NUDCD3: variants seen among roughly 807,000 people sequenced by gnomAD.
NUDCD3 encodes NudC domain containing 3, also known as nudC domain-containing protein 3.
In NUDCD3, 13 loss-of-function variants were observed where a neutral mutation model predicts 39.7. The observed-to-expected ratio is 0.33, with a 90% CI of 0.21 to 0.52. The LOEUF is 0.52. Ranked by LOEUF, NUDCD3 falls within the 20% of genes least tolerant of loss-of-function variation. The pLI is 0.96. For synonymous variants in NUDCD3, 175 were observed against 172.4 expected (o/e 1.02, Z -0.12); for missense variants, 453 against 458.1 (o/e 0.99, Z 0.10).
intron 3 of NUDCD3, among the ~76,000 whole-genome samples, chr7:44,420,942 T>G (rs1799125309): frequency 1.3e-5 from 2 of 152,198 alleles, no homozygotes; most frequent in South Asian, 2.1e-4. Context: ...CTGCATCAAC[T>G]AATGTGCAAA....
At chr7:44,441,678 C>T (rs543533541) in intron 2 of NUDCD3, among the ~76,000 whole-genome samples, 15 of 152,286 alleles carry the variant, frequency 9.8e-5, no homozygotes, top group Admixed American at 4.6e-4. Flanking sequence ...AGAGCCGGCC[C>T]CACCTGCCAC....
Position 44,404,461 on chromosome 7 carries a change from G to C in NUDCD3, c.765C>G (p.Leu255=), listed in dbSNP as rs541410724. ...KINTESSLWS[L]EPGKCVLVNL... ...TTACCAAAACGCACTTCCCGGGCTC[G>C]AGACTCCAGAGAGAACTCTCAGTGT... Residue 255 remains leucine (L), a synonymous_variant, in exon 4 of 6, where the codon CTC becomes CTG. Coordinates refer to ENST00000355451, the MANE Select transcript of NUDCD3 (RefSeq NM_015332.4). 2.5e-6 allele frequency: 4 copies of C among 1,614,088 alleles called. No individual in the cohort carries two copies. Among genetic ancestry groups the C allele is most frequent in the South Asian group, 1.1e-5 (1 of 91,074 alleles).
At chr7:44,407,495 G>A (rs549033546) in intron 3 of NUDCD3, among the ~76,000 whole-genome samples, 1 of 150,286 alleles carries the variant, frequency 6.7e-6, no homozygotes, top group South Asian at 2.1e-4. Context: ...AACCTGGGAG[G>A]CAGAGGTTGC....
intron 2 of NUDCD3, among the ~76,000 whole-genome samples, chr7:44,484,073 G>C (rs1800551579): frequency 6.6e-6 from 1 of 152,202 alleles, no homozygotes; most frequent in Non-Finnish European, 1.5e-5. Context: ...GAGTAAAGGA[G>C]TGAGAAAAAC....
chr7:44,460,412 C>T (rs934074904), intron 2 of NUDCD3, among the ~76,000 whole-genome samples: 25 of 152,072 alleles, frequency 1.6e-4, no homozygotes, highest in Non-Finnish European at 1.8e-4. Context: ...TACGGCCTGC[C>T]CTAGGAAGGA....
chr7:44,415,433 T>C (rs1476917837), intron 3 of NUDCD3, among the ~76,000 whole-genome samples: 1 of 152,240 alleles, frequency 6.6e-6, no homozygotes. Flanking sequence ...TTTACTAATG[T>C]ATGAAATTAA....
At chr7:44,392,186 G>C in intron 5 of NUDCD3, 111 bp downstream of exon 5, 1 of 1,040,584 alleles carries the variant, frequency 9.6e-7, no homozygotes, top group Non-Finnish European at 1.4e-6. Context: ...CAGGAAGCTG[G>C]TCCACACAAC....
At chr7:44,468,913 A>G (rs1800191979) in intron 2 of NUDCD3, among the ~76,000 whole-genome samples, 1 of 152,110 alleles carries the variant, frequency 6.6e-6, no homozygotes, top group African/African-American at 2.4e-5. Flanking sequence ...CTATCCATGA[A>G]TACACACTGA....
At chr7:44,434,087 T>C (rs1285247259) in intron 2 of NUDCD3, among the ~76,000 whole-genome samples, 1 of 152,180 alleles carries the variant, frequency 6.6e-6, no homozygotes, top group Admixed American at 6.5e-5. Context: ...TGAGGCCCAC[T>C]GCCCTGCTTC....
chr7:44,392,577 C>G (rs912333838), intron 4 of NUDCD3, 92 bp from the exon 5 acceptor site: 3 of 1,138,342 alleles, frequency 2.6e-6, no homozygotes, highest in Non-Finnish European at 3.8e-6. Context: ...GGATGGGTGT[C>G]CAGGATAAGC....
intron 2 of NUDCD3, among the ~76,000 whole-genome samples, chr7:44,460,668 A>T (rs1461347202): frequency 6.6e-6 from 1 of 152,204 alleles, no homozygotes; most frequent in African/African-American, 2.4e-5. Context: ...CCCCTCAAAA[A>T]AATAAACAGC....
At chr7:44,458,590 G>A (rs544185870) in intron 2 of NUDCD3, among the ~76,000 whole-genome samples, 11 of 151,912 alleles carry the variant, frequency 7.2e-5, no homozygotes, top group South Asian at 6.3e-4. Context: ...CCTGGGAGGC[G>A]GAGGTTGCAG....
chr7:44,485,198 C>A lies in NUDCD3; in HGVS notation c.279G>T (p.Glu93Asp). 1 of 1,614,198 alleles carries A rather than the reference C, an allele frequency of 6.2e-7. No homozygotes were observed. Among genetic ancestry groups the A allele is most frequent in the South Asian group, 1.1e-5 (1 of 91,086 alleles). Residue 93 changes from glutamate to aspartate, a missense_variant, in exon 2 of 6, where the codon GAG becomes GAT. Glu to Asp is a conservative substitution (Grantham distance 45, BLOSUM62 2). Coordinates refer to ENST00000355451, the MANE Select transcript of NUDCD3 (RefSeq NM_015332.4). ...ELEEKIRRKEEEEAKTVSAAA... is the reference protein window; with the variant it reads ...ELEEKIRRKEDEEAKTVSAAA... ...CAGCTGACACAGTCTTGGCCTCTTC[C>A]TCTTCCTTTCTTCTGATTTTCTCTT...
At chr7:44,482,354 C>A (rs1800509773) in intron 2 of NUDCD3, among the ~76,000 whole-genome samples, 2 of 152,012 alleles carry the variant, frequency 1.3e-5, no homozygotes, top group Admixed American at 1.3e-4. Context: ...ACTCAGAAGC[C>A]CCAAAAAGGC....
At chr7:44,459,141 A>C (rs1395954546) in intron 2 of NUDCD3, among the ~76,000 whole-genome samples, 1 of 152,052 alleles carries the variant, frequency 6.6e-6, no homozygotes, top group African/African-American at 2.4e-5. Flanking sequence ...GAGTTTTAAA[A>C]ATTTATTCCT....
chr7:44,446,397 CT>C (rs1262119575), intron 2 of NUDCD3, among the ~76,000 whole-genome samples: 2 of 152,236 alleles, frequency 1.3e-5, no homozygotes, highest in African/African-American at 4.8e-5. Context: ...GCAAACAGTA[CT>C]TTTCCGTTCT....
chr7:44,468,554 G>T (rs1048127628), intron 2 of NUDCD3, among the ~76,000 whole-genome samples: 1 of 152,094 alleles, frequency 6.6e-6, no homozygotes, highest in Non-Finnish European at 1.5e-5. Flanking sequence ...AAAGATAAAT[G>T]TAACAGTTTC....
chr7:44,384,060 C>T lies in NUDCD3; in HGVS notation c.*1951G>A, dbSNP rs1026911737. 1 of 152,182 alleles carries T rather than the reference C, an allele frequency of 6.6e-6. No homozygotes were observed. Among genetic ancestry groups the T allele is most frequent in the South Asian group, 2.1e-4 (1 of 4,828 alleles). 9.4% of individuals were successfully genotyped at this position (152,182 alleles called of 1,614,324 possible). A position where few individuals can be genotyped will look rare whatever the true frequency, so the allele number is the denominator to read the frequency against. On this transcript the variant is annotated 3_prime_UTR_variant, in exon 6 of 6. Transcript: ENST00000355451. Reference sequence around the variant, plus strand: ...ATGCAACACAGAATATAAAATCAGGCAAAACAAACACTAGTCACCATGGAA... The same window carrying T: ...ATGCAACACAGAATATAAAATCAGGTAAAACAAACACTAGTCACCATGGAA...
At chr7:44,474,211 AAAG>A (rs944314758) in intron 2 of NUDCD3, among the ~76,000 whole-genome samples, 22 of 152,204 alleles carry the variant, frequency 1.4e-4, no homozygotes, top group African/African-American at 2.6e-4. Flanking sequence ...GCTAGCATAA[AAAG>A]AAGAACTATT....
Sources: gnomAD v4.1 joint callset for allele counts (sites outside exome capture counted in the v4.1 genomes callset) on GRCh38, gnomAD v4.1.1 for gene constraint, MANE v1.5 for transcripts, NCBI Gene and HGNC (gene_info 2026-07-23, HGNC 2026-07-21) for gene names.